The following THSD7B variants were observed in gnomAD, a reference collection of about 807,000 sequenced individuals.
The protein encoded by THSD7B is thrombospondin type 1 domain containing 7B.
THSD7B carries 138 observed loss-of-function variants against 213.6 expected under a neutral mutation model. That is an observed-to-expected ratio of 0.65 (90% CI 0.56 to 0.74). The LOEUF (loss-of-function observed/expected upper bound fraction) is 0.74. Among genes scored for constraint, THSD7B ranks in the 30% least tolerant of loss-of-function variants. THSD7B has a pLI of 0.00. For missense variants in THSD7B, 1,931 were observed against 1,991.5 expected, an observed-to-expected ratio of 0.97 and a Z score of 0.58; for synonymous variants, 742 against 687.0, an observed-to-expected ratio of 1.08 and a Z score of -1.25.
At chr2:136,773,111 C>A (rs535428274) in intron 1 of THSD7B, among the ~76,000 whole-genome samples, 53 of 152,040 alleles carry the variant, frequency 3.5e-4, no homozygotes, top group South Asian at 2.7e-3. Flanking sequence ...ATGTGAGTTG[C>A]CCGTCTTTGG....
At chr2:136,966,947 T>G (rs978532808) in intron 2 of THSD7B, among the ~76,000 whole-genome samples, 1 of 152,108 alleles carries the variant, frequency 6.6e-6, no homozygotes, top group Non-Finnish European at 1.5e-5. Flanking sequence ...CCTACTAAAC[T>G]CTGTATCATT....
rs565855242 is a variant in THSD7B at position 137,340,422 on chromosome 2, T to C, written c.2500+64396T>C. Among the ~76,000 whole-genome samples the C allele has an allele frequency of 4.6e-5, 7 of 152,016 alleles. No homozygotes were observed. In the East Asian group the frequency reaches 1.4e-3, roughly 29 times the overall value. On this transcript the variant is annotated intron_variant, in intron 12 of 27. Coordinates refer to ENST00000409968, the MANE Select transcript of THSD7B (RefSeq NM_001316349.2). ...TAATTAAATCAAGCCAGTTGACATA[T>C]TCACTACCTCAAATACTTAAAAAGT...
At chr2:137,418,909 C>A (rs1901797) in intron 14 of THSD7B, among the ~76,000 whole-genome samples, 100,420 of 151,004 alleles carry the variant, frequency 0.67, 34,173 homozygotes, top group East Asian at 0.84. Context: ...GTGTATATGT[C>A]TCACTTTTTT....
At chr2:137,085,491 A>G (rs996841642) in intron 3 of THSD7B, among the ~76,000 whole-genome samples, 3 of 152,192 alleles carry the variant, frequency 2.0e-5, no homozygotes. Flanking sequence ...AATATTTAAA[A>G]GGAATAATTA....
At chr2:137,291,860 T>C (rs1332727427) in intron 12 of THSD7B, among the ~76,000 whole-genome samples, 1 of 152,172 alleles carries the variant, frequency 6.6e-6, no homozygotes, top group African/African-American at 2.4e-5. Context: ...TACATGAGAC[T>C]GAGAGGATTT....
Position 137,411,808 on chromosome 2 carries a change from T to A in THSD7B, c.2895T>A (p.Phe965Leu), listed in dbSNP as rs372473355. 6.2e-7 allele frequency: 1 copy of A among 1,613,980 alleles called. No individual in the cohort carries two copies. The highest frequency in any genetic ancestry group is 8.5e-7 in the Non-Finnish European group (1 of 1,179,886). The change falls in exon 14 of 28, where the codon TTT becomes TTA. Residue 965 changes from phenylalanine (F) to leucine (L), a missense_variant. Coordinates refer to ENST00000409968, the MANE Select transcript of THSD7B (RefSeq NM_001316349.2). ...AAGAATGTGGAGAAGGCCTGCGCTTTCGAGCAGTAGCCTGTTCTGATAAAA... is the reference window on the plus strand; with the variant it reads ...AAGAATGTGGAGAAGGCCTGCGCTTACGAGCAGTAGCCTGTTCTGATAAAA... ...DSKECGEGLR[F>L]RAVACSDKNG... is the part of the protein sequence containing the mutation.
intron 12 of THSD7B, among the ~76,000 whole-genome samples, chr2:137,321,218 T>C (rs1167964732): frequency 6.6e-6 from 1 of 152,216 alleles, no homozygotes; most frequent in Non-Finnish European, 1.5e-5. Flanking sequence ...TGCTGTAGTT[T>C]AGAGTATTAT....
intron 17 of THSD7B, among the ~76,000 whole-genome samples, chr2:137,596,653 CTTTT>C (rs569752109): frequency 3.3e-5 from 5 of 151,786 alleles, no homozygotes; most frequent in African/African-American, 7.3e-5. Context: ...TTCTTTTATT[CTTTT>C]TTTGTTTTCT....
intron 2 of THSD7B, among the ~76,000 whole-genome samples, chr2:136,893,855 C>T (rs1308443972): frequency 1.3e-5 from 2 of 152,216 alleles, no homozygotes; most frequent in South Asian, 2.1e-4. Flanking sequence ...TAACATCACT[C>T]ATACTTATTA....
chr2:137,297,258 G>A (rs1683489133), intron 12 of THSD7B, among the ~76,000 whole-genome samples: 2 of 149,480 alleles, frequency 1.3e-5, no homozygotes, highest in South Asian at 2.2e-4. Flanking sequence ...TTCTCCAGCT[G>A]GGGTGACAGA....
chr2:137,225,209 A>G (rs1681469280), intron 7 of THSD7B, among the ~76,000 whole-genome samples: 1 of 152,276 alleles, frequency 6.6e-6, no homozygotes. Context: ...CTTGTATTCT[A>G]TCACTTCCTC....
At chr2:136,767,307 A>T (rs1389641611) in intron 1 of THSD7B, among the ~76,000 whole-genome samples, 2 of 152,166 alleles carry the variant, frequency 1.3e-5, no homozygotes, top group African/African-American at 2.4e-5. Context: ...TTGAGGCTTC[A>T]CTTTGACAGA....
chr2:137,119,601 C>T (rs1688510410), intron 5 of THSD7B, among the ~76,000 whole-genome samples: 1 of 152,128 alleles, frequency 6.6e-6, no homozygotes, highest in Non-Finnish European at 1.5e-5. Context: ...GTGAAGAGAG[C>T]TCAGGGTAAA....
chr2:136,936,076 A>G (rs948946247), intron 2 of THSD7B, among the ~76,000 whole-genome samples: 6 of 151,574 alleles, frequency 4.0e-5, no homozygotes, highest in African/African-American at 1.5e-4. Flanking sequence ...AAATTCATAT[A>G]TGATAAAATT....
intron 2 of THSD7B, among the ~76,000 whole-genome samples, chr2:137,022,387 G>A (rs1294915916): frequency 6.6e-6 from 1 of 151,978 alleles, no homozygotes; most frequent in African/African-American, 2.4e-5. Context: ...TCTGATAGAC[G>A]AATAATGTGC....
intron 2 of THSD7B, among the ~76,000 whole-genome samples, chr2:137,042,599 C>T (rs1358413463): frequency 6.6e-6 from 1 of 152,172 alleles, no homozygotes; most frequent in African/African-American, 2.4e-5. Context: ...TCTTACTAAA[C>T]TCAGAGGGTA....
At chr2:136,994,872 A>G (rs1266854602) in intron 2 of THSD7B, among the ~76,000 whole-genome samples, 3 of 152,210 alleles carry the variant, frequency 2.0e-5, no homozygotes, top group African/African-American at 4.8e-5. Flanking sequence ...TTCTAAAAGT[A>G]GGAAAATCGG....
At chr2:137,257,265 A>G (rs563925259) in intron 10 of THSD7B, among the ~76,000 whole-genome samples, 3 of 152,322 alleles carry the variant, frequency 2.0e-5, no homozygotes, top group Admixed American at 2.0e-4. Flanking sequence ...GCATGTCTTC[A>G]TGACCTGGAG....
At chr2:137,358,071 T>G (rs1248131575) in intron 12 of THSD7B, among the ~76,000 whole-genome samples, 1 of 152,230 alleles carries the variant, frequency 6.6e-6, no homozygotes, top group African/African-American at 2.4e-5. Flanking sequence ...CTTTCCTTGC[T>G]GAAGTGAACA....
Sources: allele counts gnomAD v4.1 joint callset (sites outside exome capture counted in the v4.1 genomes callset), GRCh38; gene constraint gnomAD v4.1.1; transcripts MANE v1.5; gene names NCBI Gene and HGNC (gene_info 2026-07-23, HGNC 2026-07-21).